Variants in TRAPPC9 observed in about 807,000 individuals in gnomAD.
TRAPPC9 encodes trafficking protein particle complex subunit 9.
A neutral mutation model predicts 124.0 loss-of-function variants in TRAPPC9; 83 were observed. The ratio of observed to expected loss-of-function variants is 0.67; its 90% CI spans 0.56 to 0.80. TRAPPC9 has a LOEUF of 0.80. Among genes scored for constraint, TRAPPC9 ranks in the 30% least tolerant of loss-of-function variants. The pLI, the probability that TRAPPC9 is intolerant of heterozygous loss-of-function variation, is 0.00. For synonymous variants in TRAPPC9, 638 were observed against 617.5 expected (o/e 1.03, Z -0.49); for missense variants, 1,302 against 1,508.3 (o/e 0.86, Z 2.27).
chr8:139,898,478 A>G (rs1830806217), intron 20 of TRAPPC9, among the ~76,000 whole-genome samples: 1 of 152,192 alleles, frequency 6.6e-6, no homozygotes, highest in Non-Finnish European at 1.5e-5. Flanking sequence ...CCACCTATGC[A>G]AGGCCACAGT....
chr8:140,400,090 C>T (rs932087173), intron 6 of TRAPPC9, among the ~76,000 whole-genome samples: 2 of 152,186 alleles, frequency 1.3e-5, no homozygotes, highest in South Asian at 4.1e-4. Context: ...TCCTTGCCTT[C>T]CACCATGATT....
At chr8:140,164,355 G>A (rs1252033011) in intron 17 of TRAPPC9, among the ~76,000 whole-genome samples, 1 of 152,130 alleles carries the variant, frequency 6.6e-6, no homozygotes, top group African/African-American at 2.4e-5. Flanking sequence ...CCAAATTCAG[G>A]GGCTATTTTT....
At chr8:139,941,467 GAA>G (rs932452334) in intron 19 of TRAPPC9, among the ~76,000 whole-genome samples, 5 of 152,220 alleles carry the variant, frequency 3.3e-5, no homozygotes, top group African/African-American at 1.2e-4. Flanking sequence ...GAGTAGGAGT[GAA>G]AATGGGACAC....
chr8:140,362,462 T>C (rs1033779990), intron 8 of TRAPPC9, among the ~76,000 whole-genome samples: 6 of 152,182 alleles, frequency 3.9e-5, no homozygotes, highest in Non-Finnish European at 7.4e-5. Flanking sequence ...CTAATTTGTA[T>C]ATATTTAAAG....
chr8:140,338,121 G>A (rs1418064271), intron 9 of TRAPPC9, among the ~76,000 whole-genome samples: 1 of 152,196 alleles, frequency 6.6e-6, no homozygotes, highest in East Asian at 1.9e-4. Flanking sequence ...TAAACTCAAT[G>A]TCTTTTTTTA....
intron 17 of TRAPPC9, among the ~76,000 whole-genome samples, chr8:140,036,298 G>A (rs1388420868): frequency 2.6e-5 from 4 of 152,180 alleles, no homozygotes; most frequent in Admixed American, 2.0e-4. Flanking sequence ...GAGGTGCCAA[G>A]CTAGCAGATG....
At chr8:139,754,429 C>G (rs1819560790) in intron 21 of TRAPPC9, among the ~76,000 whole-genome samples, 1 of 152,208 alleles carries the variant, frequency 6.6e-6, no homozygotes, top group Admixed American at 6.5e-5. Flanking sequence ...CACAGGCACT[C>G]TGGGTGCTGC....
At chr8:139,867,323 T>A (rs1365876767) in intron 21 of TRAPPC9, among the ~76,000 whole-genome samples, 1 of 152,228 alleles carries the variant, frequency 6.6e-6, no homozygotes, top group Non-Finnish European at 1.5e-5. Flanking sequence ...CAAATCAGGA[T>A]AATCTGGGTA....
rs373009829 is a variant in TRAPPC9, at chr8:139,907,430, A to C, written c.2964+2717T>G. Reference sequence around the variant, plus strand: ...AGCCAATTCAATCTTTGGTCTTTCCATCTGCTTGAATTCAGGTTTACAATA... The same window carrying C: ...AGCCAATTCAATCTTTGGTCTTTCCCTCTGCTTGAATTCAGGTTTACAATA... On this transcript the variant is annotated intron_variant, in intron 20 of 22. Transcript: ENST00000438773. The surrounding 1 kb of genome is among the most constrained non-coding windows in gnomAD (Gnocchi z 4.7). Among the ~76,000 whole-genome samples, 3 of 152,110 alleles carry C rather than the reference A, an allele frequency of 2.0e-5. No individual in the cohort carries two copies. The East Asian group carries it at 5.8e-4, about 29-fold the overall frequency.
rs6150859 is a variant in TRAPPC9, at chr8:139,971,748, TAC to T, written c.2810+16976_2810+16977del. On this transcript the variant is annotated intron_variant, in intron 19 of 22. Transcript: ENST00000438773. ...ACACACACACACACACATATATATA[TAC>T]ACACACACACACACATATATATATA... Among the ~76,000 whole-genome samples the T allele has an allele frequency of 1.2e-3, 182 of 146,054 alleles. 5 individuals carry two copies. Among genetic ancestry groups the T allele is most frequent in the African/African-American group, 3.4e-3 (130 of 38,528 alleles).
intron 21 of TRAPPC9, among the ~76,000 whole-genome samples, chr8:139,764,439 A>G (rs1263350262): frequency 6.6e-6 from 1 of 152,172 alleles, no homozygotes; most frequent in African/African-American, 2.4e-5. Flanking sequence ...TCCCAGAGGG[A>G]TCACCTATGA....
At chr8:140,357,659 C>G (rs1431893718) in intron 9 of TRAPPC9, among the ~76,000 whole-genome samples, 1 of 152,150 alleles carries the variant, frequency 6.6e-6, no homozygotes, top group Non-Finnish European at 1.5e-5. Flanking sequence ...GCAGGTAACA[C>G]CAGACCACTG....
chr8:139,986,781 A>C (rs1295891966), intron 19 of TRAPPC9, among the ~76,000 whole-genome samples: 1 of 152,248 alleles, frequency 6.6e-6, no homozygotes, highest in Non-Finnish European at 1.5e-5. Flanking sequence ...ACGAATAGAT[A>C]CATGTGTGTA....
At chr8:139,764,912 C>T (rs1000643664) in intron 21 of TRAPPC9, among the ~76,000 whole-genome samples, 10 of 152,172 alleles carry the variant, frequency 6.6e-5, no homozygotes, top group East Asian at 1.9e-4. Flanking sequence ...GTCCCAGAAC[C>T]GCACTCCTGT....
chr8:140,314,634 TCTG>T (rs1253001612), intron 9 of TRAPPC9, among the ~76,000 whole-genome samples: 2 of 152,170 alleles, frequency 1.3e-5, no homozygotes, highest in Non-Finnish European at 1.5e-5. Context: ...TAACCTCTAT[TCTG>T]CTAATTCCAT....
chr8:139,887,409 G>A (rs1830083339), intron 20 of TRAPPC9, among the ~76,000 whole-genome samples: 1 of 152,142 alleles, frequency 6.6e-6, no homozygotes. Context: ...TTTTAGTAGA[G>A]ATGGGGTTTC....
At chr8:140,217,030 G>A (rs571786701) in intron 17 of TRAPPC9, among the ~76,000 whole-genome samples, 19 of 152,250 alleles carry the variant, frequency 1.2e-4, no homozygotes, top group East Asian at 3.9e-4. Flanking sequence ...CCCCCAACTC[G>A]AGGGCTCCTA....
At chr8:140,323,377 A>C (rs2066648832) in intron 9 of TRAPPC9, among the ~76,000 whole-genome samples, 1 of 152,108 alleles carries the variant, frequency 6.6e-6, no homozygotes, top group African/African-American at 2.4e-5. Context: ...CCCAAGGAGG[A>C]GGCGGTAGAA....
intron 16 of TRAPPC9, among the ~76,000 whole-genome samples, chr8:140,237,159 C>T (rs1255200377): frequency 2.6e-5 from 4 of 151,512 alleles, no homozygotes; most frequent in South Asian, 2.1e-4. Flanking sequence ...CTGGCCTAGG[C>T]GAAACAGTGA....
Sources: gnomAD v4.1 joint callset for allele counts (sites outside exome capture counted in the v4.1 genomes callset) on GRCh38, gnomAD v4.1.1 for gene constraint, Gnocchi (gnomAD v3.1) non-coding constraint, MANE v1.5 for transcripts, NCBI Gene and HGNC (gene_info 2026-07-23, HGNC 2026-07-21) for gene names.